ACSL1: variants seen among roughly 807,000 people sequenced by gnomAD.
The protein encoded by ACSL1 is acyl-CoA synthetase long chain family member 1, also known as long-chain-fatty-acid--CoA ligase 1.
Under a neutral mutation model 98.4 loss-of-function variants are expected in ACSL1, and 41 were observed. The observed-to-expected ratio is 0.42, with a 90% confidence interval of 0.32 to 0.54. The LOEUF is 0.54. ACSL1 is among the 20% of genes least tolerant of loss of function. The probability of loss-of-function intolerance (pLI) is 0.13; values close to 1 mark genes in which losing one functional copy is unlikely to be tolerated. For synonymous variants in ACSL1, 316 were observed against 322.7 expected (o/e 0.98, Z 0.22); for missense variants, 734 against 883.1 (o/e 0.83, Z 2.14).
chr4:184,770,002 G>A (rs569979524), intron 11 of ACSL1, among the ~76,000 whole-genome samples: 21 of 152,268 alleles, frequency 1.4e-4, no homozygotes, highest in African/African-American at 2.9e-4. Context: ...CTCACAGAAC[G>A]GAAGCCTCGC....
intron 4 of ACSL1, 85 bp from the exon 5 acceptor site, chr4:184,780,518 G>A (rs1310277641): frequency 1.1e-6 from 1 of 941,464 alleles, no homozygotes; most frequent in Non-Finnish European, 1.7e-6. Context: ...TTGTATCTCA[G>A]CCAGCAAGCA....
At chr4:184,823,337 C>A (rs899999729) in intron 1 of ACSL1, among the ~76,000 whole-genome samples, 2 of 152,218 alleles carry the variant, frequency 1.3e-5, no homozygotes, top group African/African-American at 2.4e-5. Context: ...AGACTCTCCA[C>A]AAAACATTAC....
At chr4:184,776,793 A>C (rs1162387629) in intron 6 of ACSL1, 91 bp downstream of exon 6, 14 of 1,508,434 alleles carry the variant, frequency 9.3e-6, no homozygotes, top group South Asian at 1.2e-5. Flanking sequence ...TTACATGTAA[A>C]ATCTTTGTCA....
chr4:184,772,920 A>G (rs1226994015), intron 10 of ACSL1, among the ~76,000 whole-genome samples, 161 bp downstream of exon 10: 1 of 152,194 alleles, frequency 6.6e-6, no homozygotes, highest in Non-Finnish European at 1.5e-5. Flanking sequence ...GTGAAAAAAG[A>G]GAGAAGGTGG....
chr4:184,758,604 T>C (rs1178529081), intron 18 of ACSL1: 10 of 152,112 alleles, frequency 6.6e-5, no homozygotes, highest in African/African-American at 2.4e-4. Flanking sequence ...AAGAAAAATC[T>C]CTAATATCCC....
intron 1 of ACSL1, among the ~76,000 whole-genome samples, chr4:184,814,400 G>A (rs112966430): frequency 6.6e-6 from 1 of 151,116 alleles, no homozygotes; most frequent in Admixed American, 6.6e-5. Flanking sequence ...GAAGGGAAAA[G>A]ATGGCCACAC....
chr4:184,783,217 T>TA (rs1766620505), intron 4 of ACSL1, among the ~76,000 whole-genome samples: 2 of 152,224 alleles, frequency 1.3e-5, no homozygotes, highest in Non-Finnish European at 2.9e-5. Context: ...CCTGCACTGC[T>TA]ACTGCCACTC....
rs767467647 is a variant in ACSL1 at position 184,788,724 on chromosome 4, C to T, written c.203G>A (p.Gly68Asp). The T allele has an allele frequency of 1.9e-6, 3 of 1,613,862 alleles. No individual in the cohort carries two copies. Among genetic ancestry groups the T allele is most frequent in the South Asian group, 1.1e-5 (1 of 91,084 alleles). ...SMQSVEVAGSGGARRSALLDS... is the reference protein window; with the variant it reads ...SMQSVEVAGSDGARRSALLDS... Reference sequence around the variant, plus strand: ...AAGTAGTGCGGATCTTCGTGCACCACCACTACCCTATCAAAAAAGAAAGGG... The same window carrying T: ...AAGTAGTGCGGATCTTCGTGCACCATCACTACCCTATCAAAAAAGAAAGGG... The change falls in exon 3 of 21, where the codon GGT (glycine) becomes GAT (aspartate). Residue 68 changes from glycine to aspartate, a missense_variant. Transcript: ENST00000281455.
rs974377325 is a variant in ACSL1 at position 184,760,274 on chromosome 4, C to T, written c.1782+83G>A. 2.7e-6 allele frequency: 4 copies of T among 1,488,078 alleles called. No homozygotes were observed. The African/African-American group carries it at 4.2e-5, about 16-fold the overall frequency. The allele number at this position is 1,488,078 out of a possible 1,614,324, so 92.2% of individuals were successfully genotyped here. The stretch of plus-strand genomic sequence containing the variant: ...AAAGCCAAGTGATAGGCGTCTCAAA[C>T]TTCCAATCACATTTAAAGCCCCTGG... On this transcript the variant is annotated intron_variant, in intron 18 of 20. Coordinates refer to ENST00000281455, the MANE Select transcript of ACSL1 (RefSeq NM_001995.5).
chr4:184,812,293 G>A (rs1772199633), intron 1 of ACSL1: 1 of 924,470 alleles, frequency 1.1e-6, no homozygotes. Context: ...AACATCTACT[G>A]AGTCATGAAT....
Position 184,825,076 on chromosome 4 carries a change from A to G in ACSL1, c.-33+840T>C, listed in dbSNP as rs1311793834. The G allele has an allele frequency of 1.5e-6, 1 of 685,416 alleles. No individual in the cohort carries two copies. The highest frequency in any genetic ancestry group is 1.3e-4 in the East Asian group (1 of 7,474). 42.5% of individuals were successfully genotyped at this position (685,416 alleles called of 1,614,324 possible). On this transcript the variant is annotated intron_variant, in intron 1 of 20. Coordinates refer to ENST00000281455, the MANE Select transcript of ACSL1 (RefSeq NM_001995.5). The surrounding 1 kb of genome is among the most constrained non-coding windows in gnomAD (Gnocchi z 4.7). ...AAAAGTCTTAGCCAGGGCACTAGAG[A>G]ACGCTTTTAGAATGGTCACTCTTAA...
intron 1 of ACSL1, among the ~76,000 whole-genome samples, chr4:184,813,321 G>A (rs1772308417): frequency 6.6e-6 from 1 of 152,166 alleles, no homozygotes; most frequent in Non-Finnish European, 1.5e-5. Context: ...TTGTAGATAT[G>A]TCACAATGAG....
chr4:184,800,961 G>A (rs1017238090), intron 2 of ACSL1, among the ~76,000 whole-genome samples: 4 of 152,092 alleles, frequency 2.6e-5, no homozygotes, highest in Non-Finnish European at 4.4e-5. Flanking sequence ...CAAATGATTC[G>A]TCCACTTCAG....
At chr4:184,772,845 C>G (rs1465124458) in intron 10 of ACSL1, among the ~76,000 whole-genome samples, 1 of 152,122 alleles carries the variant, frequency 6.6e-6, no homozygotes, top group Non-Finnish European at 1.5e-5. Context: ...ATAAATGTTG[C>G]AGTGAACTTC....
At chr4:184,787,178 A>G (rs969598733) in intron 3 of ACSL1, among the ~76,000 whole-genome samples, 1 of 152,258 alleles carries the variant, frequency 6.6e-6, no homozygotes, top group Non-Finnish European at 1.5e-5. Flanking sequence ...AGTACCTGGT[A>G]TAAGCAAAAA....
At chr4:184,771,804 T>A (rs1764552905) in intron 10 of ACSL1, among the ~76,000 whole-genome samples, 1 of 151,972 alleles carries the variant, frequency 6.6e-6, no homozygotes, top group Admixed American at 6.6e-5. Context: ...AATGTGACAA[T>A]GGATGAAAGC....
At chr4:184,811,190 G>A (rs996087510) in intron 1 of ACSL1, among the ~76,000 whole-genome samples, 1 of 151,296 alleles carries the variant, frequency 6.6e-6, no homozygotes, top group East Asian at 1.9e-4. Flanking sequence ...CTCACTGCAA[G>A]CTCCGCCTTC....
intron 1 of ACSL1, among the ~76,000 whole-genome samples, chr4:184,806,793 T>C (rs897473751): frequency 1.3e-5 from 2 of 152,310 alleles, no homozygotes; most frequent in East Asian, 1.9e-4. Flanking sequence ...AATTCCTATA[T>C]TTAGTGGGTG....
At position 184,773,958 on chromosome 4, in the gene ACSL1, G is replaced by A; in HGVS notation, c.757-83C>T. On this transcript the variant is annotated intron_variant, in intron 7 of 20. Transcript: ENST00000281455. The surrounding 1 kb of genome is among the most constrained non-coding windows in gnomAD (Gnocchi z 4.3). ...AGGTCACATCGAGTCACTTAAAGCT[G>A]GCTTTACTGTGGGGTTCATTCACAC... The A allele has an allele frequency of 1.2e-5, 18 of 1,503,966 alleles. No homozygotes were observed. Among genetic ancestry groups the A allele is most frequent in the Non-Finnish European group, 1.5e-5 (16 of 1,088,334 alleles). 93.2% of individuals were successfully genotyped at this position (1,503,966 alleles called of 1,614,324 possible).
Sources: allele counts gnomAD v4.1 joint callset (sites outside exome capture counted in the v4.1 genomes callset), GRCh38; gene constraint gnomAD v4.1.1; non-coding constraint Gnocchi (gnomAD v3.1); transcripts MANE v1.5; gene names NCBI Gene and HGNC (gene_info 2026-07-23, HGNC 2026-07-21).